ZNF608: variants seen among roughly 807,000 people sequenced by gnomAD.
ZNF608 encodes the protein zinc finger protein 608, also known as renal carcinoma antigen NY-REN-36.
A neutral mutation model predicts 109.0 loss-of-function variants in ZNF608; 12 were observed. The observed-to-expected ratio is 0.11, with a 90% CI of 0.07 to 0.18. The LOEUF (loss-of-function observed/expected upper bound fraction) is 0.18, where lower values mean the gene tolerates loss of function less well. Among genes scored for constraint, ZNF608 ranks in the 10% least tolerant of loss-of-function variants. The pLI, the probability that ZNF608 is intolerant of heterozygous loss-of-function variation, is 1.00. For missense variants in ZNF608, 1,707 were observed against 1,879.3 expected (o/e 0.91, Z 1.70); for synonymous variants, 732 against 717.4 (o/e 1.02, Z -0.33).
chr5:124,674,433 T>C (rs949801520), intron 3 of ZNF608, among the ~76,000 whole-genome samples: 1 of 152,244 alleles, frequency 6.6e-6, no homozygotes, highest in Non-Finnish European at 1.5e-5. Flanking sequence ...GGTGAACTAA[T>C]GTTCCAGCCT....
intron 2 of ZNF608, among the ~76,000 whole-genome samples, chr5:124,711,952 AT>A (rs550117400): frequency 1.3e-5 from 2 of 152,184 alleles, no homozygotes; most frequent in Non-Finnish European, 1.5e-5. Flanking sequence ...GGGAAAACAG[AT>A]GAGACAGGGC....
intron 3 of ZNF608, among the ~76,000 whole-genome samples, chr5:124,658,447 T>G (rs1751108657): frequency 1.3e-5 from 2 of 152,270 alleles, no homozygotes; most frequent in African/African-American, 4.8e-5. Flanking sequence ...GTTTTATTTC[T>G]TGTCTTTGAT....
chr5:124,707,075 G>T (rs1753292057), intron 2 of ZNF608, among the ~76,000 whole-genome samples: 1 of 152,172 alleles, frequency 6.6e-6, no homozygotes. Context: ...AGGGCTTCCT[G>T]AGTGCTGATG....
At chr5:124,745,312 T>G in intron 1 of ZNF608, 140 bp from the exon 2 acceptor site, 3 of 623,726 alleles carry the variant, frequency 4.8e-6, no homozygotes, top group Non-Finnish European at 6.4e-6. Context: ...CACAGTCCAA[T>G]ATCAGGTTTA....
At chr5:124,721,972 A>AAAAAC in intron 2 of ZNF608, among the ~76,000 whole-genome samples, 1 of 144,116 alleles carries the variant, frequency 6.9e-6, no homozygotes, top group Non-Finnish European at 1.5e-5. Flanking sequence ...AAAAAAAAAA[A>AAAAAC]GAACTCAAAG....
intron 3 of ZNF608, among the ~76,000 whole-genome samples, chr5:124,691,564 AAC>A (rs1752633265): frequency 3.3e-5 from 5 of 152,236 alleles, no homozygotes; most frequent in Admixed American, 3.3e-4. Flanking sequence ...CACAATAGCC[AAC>A]ATATGAAAGC....
chr5:124,702,899 A>C (rs1242721089), intron 2 of ZNF608, among the ~76,000 whole-genome samples: 1 of 152,226 alleles, frequency 6.6e-6, no homozygotes, highest in Non-Finnish European at 1.5e-5. Context: ...ATGTGGATCA[A>C]AGTTCACACT....
intron 2 of ZNF608, among the ~76,000 whole-genome samples, chr5:124,729,915 ACTCT>A (rs1748816586): frequency 1.3e-5 from 2 of 152,058 alleles, no homozygotes; most frequent in Admixed American, 6.5e-5. Flanking sequence ...ACAGCAAAAC[ACTCT>A]CTCTCCAATA....
rs572016779 is a variant in ZNF608, at chr5:124,647,570, G to C, written c.2814C>G (p.Ala938=). The change falls in exon 5 of 10, where the codon GCC becomes GCG. Residue 938 remains alanine, a synonymous_variant. Coordinates refer to ENST00000513986, the MANE Select transcript of ZNF608 (RefSeq NM_020747.3). ...ESSAAKTSSP[A]YSDISDAADD... is the part of the protein sequence containing the mutation. The stretch of plus-strand genomic sequence containing the variant: ...CAGCAGCATCAGATATGTCTGAATA[G>C]GCCGGGCTGCTTGTCTTTGCAGCTG... 1 of 1,614,086 alleles carries C rather than the reference G, an allele frequency of 6.2e-7. No individual in the cohort carries two copies. The highest frequency in any genetic ancestry group is 1.3e-5 in the African/African-American group (1 of 74,920).
chr5:124,746,141 A>C (rs560401943), intron 1 of ZNF608, 54 bp downstream of exon 1: 1 of 985,300 alleles, frequency 1.0e-6, no homozygotes, highest in South Asian at 4.7e-5. Flanking sequence ...TGTCAAGAAA[A>C]AAATAAATAA....
intron 1 of ZNF608, 26 bp downstream of exon 1, chr5:124,746,169 C>T (rs1749634294): frequency 1.0e-6 from 1 of 985,200 alleles, no homozygotes; most frequent in African/African-American, 1.7e-5. Context: ...TACACACACA[C>T]ATACACACAC....
intron 2 of ZNF608, among the ~76,000 whole-genome samples, chr5:124,702,481 A>G (rs1287725076): frequency 1.3e-5 from 2 of 148,762 alleles, no homozygotes; most frequent in African/African-American, 4.9e-5. Flanking sequence ...GTAATAGTAT[A>G]TAGTCTTTGT....
At chr5:124,675,548 CG>C in intron 3 of ZNF608, among the ~76,000 whole-genome samples, 1 of 152,186 alleles carries the variant, frequency 6.6e-6, no homozygotes, top group African/African-American at 2.4e-5. Context: ...ATATTGTATC[CG>C]TTAATATTTT....
At chr5:124,704,924 CAGG>C (rs1165375525) in intron 2 of ZNF608, among the ~76,000 whole-genome samples, 2 of 152,038 alleles carry the variant, frequency 1.3e-5, no homozygotes, top group Non-Finnish European at 2.9e-5. Flanking sequence ...AGAAAATTGA[CAGG>C]AGTTCAACAT....
chr5:124,718,808 G>A lies in ZNF608; in HGVS notation c.907-17539C>T, dbSNP rs554867392. 2.6e-5 allele frequency among the ~76,000 whole-genome samples: 4 copies of A among 152,238 alleles called. No individual in the cohort carries two copies. The South Asian group carries it at 8.3e-4, about 32-fold the overall frequency. On this transcript the variant is annotated intron_variant, in intron 2 of 9. Coordinates refer to ENST00000513986, the MANE Select transcript of ZNF608 (RefSeq NM_020747.3). ...GGAACTTGTAAGGGTCTGCAAAACC[G>A]CTATTTGGTGAATAAAGACAGGCAA...
At chr5:124,651,501 T>TA (rs1750772084) in intron 3 of ZNF608, among the ~76,000 whole-genome samples, 1 of 152,236 alleles carries the variant, frequency 6.6e-6, no homozygotes, top group South Asian at 2.1e-4. Flanking sequence ...ATTTTAGCTT[T>TA]AGATCCAATA....
chr5:124,726,281 C>T (rs1208384326), intron 2 of ZNF608, among the ~76,000 whole-genome samples: 1 of 152,074 alleles, frequency 6.6e-6, no homozygotes, highest in Non-Finnish European at 1.5e-5. Context: ...CTAGAGGTGA[C>T]CTCTTCCAGC....
intron 3 of ZNF608, among the ~76,000 whole-genome samples, chr5:124,692,002 C>T (rs1275664104): frequency 6.6e-6 from 1 of 151,974 alleles, no homozygotes; most frequent in African/African-American, 2.4e-5. Flanking sequence ...TACATTTTTA[C>T]TTTTCTTCCC....
chr5:124,660,695 G>T (rs1336196661), intron 3 of ZNF608, among the ~76,000 whole-genome samples: 1 of 152,104 alleles, frequency 6.6e-6, no homozygotes, highest in African/African-American at 2.4e-5. Flanking sequence ...TATAAAATGG[G>T]AGTAATATGG....
Sources: allele counts gnomAD v4.1 joint callset (sites outside exome capture counted in the v4.1 genomes callset), GRCh38; gene constraint gnomAD v4.1.1; transcripts MANE v1.5; gene names NCBI Gene and HGNC (gene_info 2026-07-23, HGNC 2026-07-21).